The following TSHZ3 variants were observed in gnomAD, a reference collection of about 807,000 sequenced individuals.
TSHZ3 encodes the protein teashirt zinc finger homeobox 3.
A neutral mutation model predicts 64.5 loss-of-function variants in TSHZ3; 10 were observed. The observed-to-expected ratio is 0.16, with a 90% CI of 0.10 to 0.26. TSHZ3 has a LOEUF of 0.26. TSHZ3 is among the 10% of genes least tolerant of loss of function. TSHZ3 has a pLI of 1.00. For synonymous variants in TSHZ3, 608 were observed against 593.1 expected (o/e 1.03, Z -0.36); for missense variants, 1,242 against 1,421.7 (o/e 0.87, Z 2.03).
At chr19:31,252,108 A>G (rs535482926) in intron 1 of TSHZ3, among the ~76,000 whole-genome samples, 1 of 152,346 alleles carries the variant, frequency 6.6e-6, no homozygotes, top group Non-Finnish European at 1.5e-5. Flanking sequence ...TCCTGAGGCC[A>G]TGACATTAAA....
intron 1 of TSHZ3, among the ~76,000 whole-genome samples, chr19:31,320,469 A>AGACGT (rs1916735718): frequency 1.3e-5 from 2 of 152,152 alleles, no homozygotes; most frequent in East Asian, 3.8e-4. Context: ...TGTCTTTCTG[A>AGACGT]GACGTGACAC....
intron 6 of TSHZ3, among the ~76,000 whole-genome samples, chr19:31,155,221 G>T (rs905190546): frequency 3.9e-5 from 6 of 152,158 alleles, no homozygotes; most frequent in African/African-American, 1.4e-4. Flanking sequence ...TGCTCTCCCT[G>T]GGACTATGTT....
chr19:31,328,479 A>T (rs539870842), intron 1 of TSHZ3, among the ~76,000 whole-genome samples: 2 of 152,330 alleles, frequency 1.3e-5, no homozygotes, highest in African/African-American at 2.4e-5. Flanking sequence ...CTGCTGATGG[A>T]GCCCAACCTT....
intron 1 of TSHZ3, among the ~76,000 whole-genome samples, chr19:31,259,488 T>C (rs1285934932): frequency 6.6e-6 from 1 of 151,980 alleles, no homozygotes; most frequent in Non-Finnish European, 1.5e-5. Flanking sequence ...TAGGGTCCAG[T>C]CGAAGCATGC....
intron 1 of TSHZ3, among the ~76,000 whole-genome samples, chr19:31,295,585 A>G (rs1195315082): frequency 6.6e-6 from 1 of 152,184 alleles, no homozygotes; most frequent in Non-Finnish European, 1.5e-5. Context: ...TGTGGTGTTA[A>G]AAGTCAGGAC....
chr19:31,318,038 C>T lies in TSHZ3; in HGVS notation c.40+31142G>A, dbSNP rs141399827. Among the ~76,000 whole-genome samples the T allele has an allele frequency of 3.9e-5, 6 of 152,258 alleles. No homozygotes were observed. In the East Asian group the frequency reaches 1.2e-3, roughly 29 times the overall value. ...TAGCTTTTAAACCACTTATAAAAGA[C>T]AACACACAGGAAAAATTAACCCCTG... On this transcript the variant is annotated intron_variant, in intron 1 of 1. Transcript: ENST00000240587.
intron 1 of TSHZ3, among the ~76,000 whole-genome samples, chr19:31,262,576 T>TA (rs904793414): frequency 2.9e-4 from 44 of 152,204 alleles, no homozygotes; most frequent in African/African-American, 8.4e-4. Context: ...GTTCACTTTG[T>TA]AAAAAAAATA....
At chr19:31,164,438 C>A in intron 5 of TSHZ3, among the ~76,000 whole-genome samples, 1 of 152,162 alleles carries the variant, frequency 6.6e-6, no homozygotes, top group African/African-American at 2.4e-5. Flanking sequence ...ATGTTAGACA[C>A]TGTTCTAAAT....
chr19:31,308,402 C>A (rs546801325), intron 1 of TSHZ3: 1 of 368,648 alleles, frequency 2.7e-6, no homozygotes, highest in Admixed American at 4.6e-5. Flanking sequence ...AGGGAAAATG[C>A]GCTGGAACAT....
intron 1 of TSHZ3, among the ~76,000 whole-genome samples, chr19:31,255,589 A>T (rs988681328): frequency 1.4e-4 from 22 of 151,896 alleles, no homozygotes; most frequent in African/African-American, 5.1e-4. Context: ...CACCACGGAC[A>T]CCTGTCACTA....
At chr19:31,262,778 G>A (rs897936269) in intron 1 of TSHZ3, among the ~76,000 whole-genome samples, 7 of 152,146 alleles carry the variant, frequency 4.6e-5, no homozygotes, top group East Asian at 3.9e-4. Context: ...TCCTTCTGAC[G>A]AAATTCGAGC....
At chr19:31,280,161 CT>C (rs925970386) in intron 1 of TSHZ3, among the ~76,000 whole-genome samples, 3 of 152,142 alleles carry the variant, frequency 2.0e-5, no homozygotes, top group East Asian at 1.9e-4. Context: ...TCTCCTACCC[CT>C]AATGCATTTC....
chr19:31,181,493 G>C (rs1289705731), intron 5 of TSHZ3, among the ~76,000 whole-genome samples: 2 of 152,168 alleles, frequency 1.3e-5, no homozygotes, highest in African/African-American at 4.8e-5. Flanking sequence ...CTCTGTGGCT[G>C]GGTCAGAGGA....
chr19:31,227,566 G>A (rs1157584372), intron 4 of TSHZ3, among the ~76,000 whole-genome samples: 2 of 152,118 alleles, frequency 1.3e-5, no homozygotes, highest in Non-Finnish European at 1.5e-5. Context: ...CAACAGAAGG[G>A]GGAAGAAAGA....
chr19:31,204,444 C>T (rs1975135133), intron 5 of TSHZ3, among the ~76,000 whole-genome samples: 1 of 151,870 alleles, frequency 6.6e-6, no homozygotes. Context: ...CTTTCTTTCC[C>T]CTTTTTGGGG....
chr19:31,297,412 C>T (rs1976682418), intron 1 of TSHZ3, among the ~76,000 whole-genome samples: 1 of 127,776 alleles, frequency 7.8e-6, no homozygotes, highest in African/African-American at 2.7e-5. Context: ...AGCTTATTCC[C>T]TTCCTGTCTC....
intron 3 of TSHZ3, among the ~76,000 whole-genome samples, chr19:31,236,100 C>T (rs1413764097): frequency 1.3e-5 from 2 of 152,154 alleles, no homozygotes; most frequent in African/African-American, 4.8e-5. Context: ...GCAGATATCT[C>T]TTCAAGATAC....
intron 1 of TSHZ3, among the ~76,000 whole-genome samples, chr19:31,257,688 C>T (rs868290010): frequency 3.9e-5 from 6 of 152,214 alleles, no homozygotes; most frequent in Admixed American, 6.5e-5. Context: ...GACTATGCTG[C>T]AGTCTCAGAC....
At chr19:31,220,992 A>T (rs1975389170) in intron 4 of TSHZ3, among the ~76,000 whole-genome samples, 2 of 152,204 alleles carry the variant, frequency 1.3e-5, no homozygotes, top group Non-Finnish European at 2.9e-5. Context: ...AAACTAGTTA[A>T]AATGCCTAAT....
Sources: allele counts gnomAD v4.1 joint callset (sites outside exome capture counted in the v4.1 genomes callset), GRCh38; gene constraint gnomAD v4.1.1; transcripts MANE v1.5; gene names NCBI Gene and HGNC (gene_info 2026-07-23, HGNC 2026-07-21).